LIN7A: variants seen among roughly 807,000 people sequenced by gnomAD.
LIN7A encodes the protein lin-7 cell polarity scaffold A.
A neutral mutation model predicts 29.8 loss-of-function variants in LIN7A; 25 were observed. That is an observed-to-expected ratio of 0.84 (90% CI 0.61 to 1.17). LIN7A has a LOEUF of 1.17. Ranked by LOEUF, LIN7A falls within the 50% of genes most tolerant of loss-of-function variation. The pLI is 0.00. For missense variants in LIN7A, 239 were observed against 287.0 expected, an observed-to-expected ratio of 0.83 and a Z score of 1.21; for synonymous variants, 118 against 107.5, an observed-to-expected ratio of 1.10 and a Z score of -0.60.
intron 5 of LIN7A, among the ~76,000 whole-genome samples, chr12:80,808,114 G>A (rs1183855092): frequency 6.6e-6 from 1 of 152,024 alleles, no homozygotes; most frequent in African/African-American, 2.4e-5. Context: ...TAACTACTCT[G>A]GCTTTCTTTC....
intron 1 of LIN7A, among the ~76,000 whole-genome samples, chr12:80,908,668 T>A (rs1043614817): frequency 6.6e-6 from 1 of 152,112 alleles, no homozygotes; most frequent in Non-Finnish European, 1.5e-5. Context: ...CAAAAGGTGA[T>A]ATTTTTAAAA....
intron 1 of LIN7A, among the ~76,000 whole-genome samples, chr12:80,911,256 G>A (rs1314842050): frequency 6.6e-6 from 1 of 150,582 alleles, no homozygotes; most frequent in East Asian, 1.9e-4. Context: ...TCTAGAGGGT[G>A]GAAGTTTGTC....
Position 80,937,758 on chromosome 12 carries a change from T to C in LIN7A, c.-36A>G. The C allele has an allele frequency of 1.3e-6, 1 of 774,330 alleles. No homozygotes were observed. The highest frequency in any genetic ancestry group is 9.6e-5 in the East Asian group (1 of 10,420). The allele number at this position is 774,330 out of a possible 1,614,324, so 48.0% of individuals were successfully genotyped here. ...TCGTAGTGAGAAAAAAAGGAGGAGA[T>C]TGGGGGCGGGGGTGGAGAGGGAAGA... On this transcript the variant is annotated 5_prime_UTR_variant, in exon 1 of 6. Transcript: ENST00000552864.
chr12:80,894,679 AG>A (rs756670839), intron 1 of LIN7A, among the ~76,000 whole-genome samples: 24 of 152,204 alleles, frequency 1.6e-4, no homozygotes, highest in Non-Finnish European at 3.2e-4. Flanking sequence ...TCTGTTTTTT[AG>A]TACTCATCTC....
At chr12:80,836,050 A>G (rs1052974638) in intron 4 of LIN7A, among the ~76,000 whole-genome samples, 2 of 152,246 alleles carry the variant, frequency 1.3e-5, no homozygotes, top group Admixed American at 1.3e-4. Context: ...GAACAGCCTC[A>G]GGATGTATTA....
intron 1 of LIN7A, among the ~76,000 whole-genome samples, chr12:80,932,404 A>G (rs1877964147): frequency 1.3e-5 from 2 of 152,214 alleles, no homozygotes; most frequent in Admixed American, 6.5e-5. Context: ...TTAAATTACG[A>G]CTTATTTTAG....
At chr12:80,914,451 C>A (rs779634204) in intron 1 of LIN7A, among the ~76,000 whole-genome samples, 4 of 152,126 alleles carry the variant, frequency 2.6e-5, no homozygotes, top group Non-Finnish European at 5.9e-5. Flanking sequence ...CATTCAATCC[C>A]GCAACCAATT....
chr12:80,797,902 A>G (rs1176919721), intron 5 of LIN7A, among the ~76,000 whole-genome samples, 176 bp from the exon 6 acceptor site: 2 of 152,230 alleles, frequency 1.3e-5, no homozygotes, highest in East Asian at 3.8e-4. Context: ...TTTGCAAAGG[A>G]AGTAATTATC....
intron 1 of LIN7A, among the ~76,000 whole-genome samples, chr12:80,921,832 A>T (rs1877324222): frequency 6.6e-6 from 1 of 152,212 alleles, no homozygotes; most frequent in African/African-American, 2.4e-5. Context: ...ATCAGAAGAA[A>T]TTAATGTCTG....
intron 5 of LIN7A, among the ~76,000 whole-genome samples, chr12:80,798,541 C>A (rs769536049): frequency 2.0e-5 from 3 of 151,916 alleles, no homozygotes; most frequent in Non-Finnish European, 4.4e-5. Context: ...GAGTCACCAA[C>A]GAGATATTAT....
chr12:80,899,301 T>C (rs1876072624), intron 1 of LIN7A, among the ~76,000 whole-genome samples: 1 of 152,208 alleles, frequency 6.6e-6, no homozygotes, highest in Admixed American at 6.5e-5. Flanking sequence ...TGTGTACATT[T>C]GAACCAACCT....
intron 1 of LIN7A, among the ~76,000 whole-genome samples, chr12:80,929,914 T>TA (rs1877800564): frequency 2.6e-5 from 4 of 152,118 alleles, no homozygotes; most frequent in African/African-American, 9.7e-5. Context: ...TCAACTATAT[T>TA]CCCCAATTTT....
In LIN7A at chr12:80,937,901, C is replaced by T. The variant is rs1016786434; in HGVS notation, c.-179G>A. ...TTCCGCGGCGGCAGATCTTCAGTTG[C>T]GGTGCGGAGCTGAGCAGGTATCCGA... On this transcript the variant is annotated 5_prime_UTR_variant, in exon 1 of 6. Coordinates refer to ENST00000552864, the MANE Select transcript of LIN7A (RefSeq NM_004664.4). 9 of 463,548 alleles carry T rather than the reference C, an allele frequency of 1.9e-5. No individual in the cohort carries two copies. Among genetic ancestry groups the T allele is most frequent in the Non-Finnish European group, 3.4e-5 (9 of 261,184 alleles). 28.7% of individuals were successfully genotyped at this position (463,548 alleles called of 1,614,324 possible). A position where few individuals can be genotyped will look rare whatever the true frequency, so the allele number is the denominator to read the frequency against.
intron 4 of LIN7A, among the ~76,000 whole-genome samples, chr12:80,824,459 A>G (rs1871963081): frequency 6.6e-6 from 1 of 152,236 alleles, no homozygotes; most frequent in South Asian, 2.1e-4. Flanking sequence ...ATTGGTACCA[A>G]TCTTATTAAC....
chr12:80,828,725 CT>C (rs1458409991), intron 4 of LIN7A, among the ~76,000 whole-genome samples: 2 of 152,216 alleles, frequency 1.3e-5, no homozygotes, highest in South Asian at 2.1e-4. Flanking sequence ...TGTCTGGAGG[CT>C]GACCTCTTAA....
chr12:80,821,138 C>T (rs1048621871), intron 4 of LIN7A, among the ~76,000 whole-genome samples: 1 of 152,320 alleles, frequency 6.6e-6, no homozygotes. Flanking sequence ...ACTTCTTAAA[C>T]CACCAAAGCC....
intron 1 of LIN7A, among the ~76,000 whole-genome samples, chr12:80,913,729 C>T (rs1029815140): frequency 2.6e-5 from 4 of 152,188 alleles, no homozygotes; most frequent in Non-Finnish European, 4.4e-5. Context: ...GACAATGATG[C>T]TAGTCGAATA....
chr12:80,857,339 C>A (rs1284243946), intron 2 of LIN7A, among the ~76,000 whole-genome samples: 1 of 151,990 alleles, frequency 6.6e-6, no homozygotes, highest in East Asian at 1.9e-4. Context: ...ATGCTGATAG[C>A]AAAGTGGTAC....
At chr12:80,806,921 G>A (rs1212062184) in intron 5 of LIN7A, among the ~76,000 whole-genome samples, 1 of 152,058 alleles carries the variant, frequency 6.6e-6, no homozygotes, top group East Asian at 1.9e-4. Flanking sequence ...ATCTTGGCAG[G>A]CACAAATACA....
Sources: allele counts gnomAD v4.1 joint callset (sites outside exome capture counted in the v4.1 genomes callset), GRCh38; gene constraint gnomAD v4.1.1; transcripts MANE v1.5; gene names NCBI Gene and HGNC (gene_info 2026-07-23, HGNC 2026-07-21).